EXOC6B: variants seen among roughly 807,000 people sequenced by gnomAD.
The protein encoded by EXOC6B is exocyst complex component 6B, also known as SEC15 homolog B.
EXOC6B carries 54 observed loss-of-function variants against 113.5 expected under a neutral mutation model. The observed-to-expected ratio is 0.48, with a 90% CI of 0.38 to 0.60. The LOEUF (loss-of-function observed/expected upper bound fraction) is 0.60, where lower values mean the gene tolerates loss of function less well. Ranked by LOEUF, EXOC6B falls within the 20% of genes least tolerant of loss-of-function variation. The pLI, the probability that EXOC6B is intolerant of heterozygous loss-of-function variation, is 0.00. For missense variants in EXOC6B, 797 were observed against 977.5 expected, an observed-to-expected ratio of 0.82 and a Z score of 2.46; for synonymous variants, 357 against 339.0, an observed-to-expected ratio of 1.05 and a Z score of -0.58.
chr2:72,367,091 G>C (rs1215813564), intron 19 of EXOC6B, among the ~76,000 whole-genome samples: 1 of 152,048 alleles, frequency 6.6e-6, no homozygotes, highest in Non-Finnish European at 1.5e-5. Flanking sequence ...CAGTAATAAT[G>C]TATTGTGGGG....
At chr2:72,802,324 CAA>C (rs200155351) in intron 1 of EXOC6B, among the ~76,000 whole-genome samples, 26 of 102,656 alleles carry the variant, frequency 2.5e-4, no homozygotes, top group Admixed American at 5.1e-4. Context: ...GACTCTGTCT[CAA>C]AAAAAAAAAA....
intron 6 of EXOC6B, among the ~76,000 whole-genome samples, chr2:72,660,054 C>T (rs928843899): frequency 6.6e-6 from 1 of 151,768 alleles, no homozygotes; most frequent in African/African-American, 2.4e-5. Context: ...GTCTGTTGTA[C>T]TAATCCACCT....
At chr2:72,441,449 TA>T (rs1696193957) in intron 18 of EXOC6B, among the ~76,000 whole-genome samples, 1 of 147,240 alleles carries the variant, frequency 6.8e-6, no homozygotes, top group South Asian at 2.2e-4. Flanking sequence ...GATCAACAAA[TA>T]AAGAAACTTT....
chr2:72,456,822 C>T (rs1266558097), intron 18 of EXOC6B, among the ~76,000 whole-genome samples: 1 of 151,966 alleles, frequency 6.6e-6, no homozygotes, highest in Non-Finnish European at 1.5e-5. Flanking sequence ...ATGACATGTC[C>T]AGCCCAAGGT....
chr2:72,322,668 G>C (rs950606871), intron 20 of EXOC6B, among the ~76,000 whole-genome samples: 4 of 152,006 alleles, frequency 2.6e-5, no homozygotes, highest in Admixed American at 1.3e-4. Context: ...CAGAACAGAG[G>C]CCTCAGAAAT....
intron 17 of EXOC6B, among the ~76,000 whole-genome samples, chr2:72,470,966 C>T (rs1407050756): frequency 6.6e-6 from 1 of 152,096 alleles, no homozygotes; most frequent in African/African-American, 2.4e-5. Context: ...ATTTGTAATC[C>T]TTTGGGTATA....
chr2:72,394,504 G>A (rs577404441), intron 18 of EXOC6B, among the ~76,000 whole-genome samples: 1 of 151,844 alleles, frequency 6.6e-6, no homozygotes, highest in South Asian at 2.1e-4. Flanking sequence ...TTGAAATGGA[G>A]GTAATATAAA....
At chr2:72,292,130 A>T (rs901307626) in intron 20 of EXOC6B, among the ~76,000 whole-genome samples, 11 of 151,626 alleles carry the variant, frequency 7.3e-5, no homozygotes, top group Admixed American at 3.3e-4. Context: ...TTCCATAGGT[A>T]TCTGATGGTG....
intron 1 of EXOC6B, among the ~76,000 whole-genome samples, chr2:72,770,101 G>A (rs993831719): frequency 1.3e-5 from 2 of 151,958 alleles, no homozygotes; most frequent in South Asian, 2.1e-4. Context: ...ACTACTAGAG[G>A]AGGAACACAA....
At chr2:72,678,964 G>T (rs1212467999) in intron 6 of EXOC6B, among the ~76,000 whole-genome samples, 2 of 152,004 alleles carry the variant, frequency 1.3e-5, no homozygotes, top group African/African-American at 4.8e-5. Flanking sequence ...ACACCAACAG[G>T]ATAACTCTTA....
chr2:72,573,943 A>T (rs1376318797), intron 7 of EXOC6B, among the ~76,000 whole-genome samples: 1 of 151,886 alleles, frequency 6.6e-6, no homozygotes, highest in East Asian at 1.9e-4. Context: ...GTGAAACCCC[A>T]TCTCTACTAA....
At chr2:72,510,556 AATC>A (rs2105654487) in intron 11 of EXOC6B, among the ~76,000 whole-genome samples, 1 of 151,702 alleles carries the variant, frequency 6.6e-6, no homozygotes, top group South Asian at 2.1e-4. Context: ...ATTAAAATTA[AATC>A]ATATTCATCA....
intron 3 of EXOC6B, among the ~76,000 whole-genome samples, chr2:72,732,288 A>G (rs6738015): frequency 7.9e-5 from 12 of 151,842 alleles, no homozygotes; most frequent in African/African-American, 2.2e-4. Context: ...AGCTGGGACT[A>G]TAGACATGCA....
intron 1 of EXOC6B, among the ~76,000 whole-genome samples, chr2:72,744,522 G>A (rs905783029): frequency 6.6e-6 from 1 of 152,088 alleles, no homozygotes; most frequent in Admixed American, 6.6e-5. Context: ...TCAAAGGAAA[G>A]GAAAAGAAAG....
chr2:72,256,541 T>C (rs1423175667), intron 20 of EXOC6B, among the ~76,000 whole-genome samples: 2 of 152,192 alleles, frequency 1.3e-5, no homozygotes, highest in African/African-American at 4.8e-5. Flanking sequence ...AGATCACAAA[T>C]TCTCTGGGCA....
intron 18 of EXOC6B, among the ~76,000 whole-genome samples, chr2:72,444,336 T>G (rs1309382356): frequency 6.6e-6 from 1 of 152,216 alleles, no homozygotes; most frequent in Non-Finnish European, 1.5e-5. Context: ...CCAGCTGCTC[T>G]CACGGGCTGA....
chr2:72,786,490 TTGA>T (rs781647970), intron 1 of EXOC6B, among the ~76,000 whole-genome samples: 2 of 152,248 alleles, frequency 1.3e-5, no homozygotes, highest in Admixed American at 1.3e-4. Flanking sequence ...TTGTACTATG[TTGA>T]TGATTTTTAT....
intron 21 of EXOC6B, among the ~76,000 whole-genome samples, chr2:72,182,328 G>A (rs963100298): frequency 1.3e-5 from 2 of 152,154 alleles, no homozygotes; most frequent in East Asian, 1.9e-4. Flanking sequence ...GTAAAGGACT[G>A]CTGAGAGATG....
chr2:72,552,447 A>G (rs1405191532), intron 8 of EXOC6B, among the ~76,000 whole-genome samples: 1 of 152,156 alleles, frequency 6.6e-6, no homozygotes, highest in Non-Finnish European at 1.5e-5. Flanking sequence ...ACAACTTTCA[A>G]GGAACAGATA....
Sources: allele counts gnomAD v4.1 joint callset (sites outside exome capture counted in the v4.1 genomes callset), GRCh38; gene constraint gnomAD v4.1.1; transcripts MANE v1.5; gene names NCBI Gene and HGNC (gene_info 2026-07-23, HGNC 2026-07-21).